The following THTPA variants were observed in gnomAD, a reference collection of about 807,000 sequenced individuals.
THTPA encodes thiamine-triphosphatase.
A neutral mutation model predicts 16.5 loss-of-function variants in THTPA; 16 were observed. The ratio of observed to expected loss-of-function variants is 0.97; its 90% confidence interval spans 0.66 to 1.47. The LOEUF is 1.47. Ranked by LOEUF, THTPA falls within the 40% of genes most tolerant of loss-of-function variation. THTPA has a pLI of 0.00. For synonymous variants in THTPA, 110 were observed against 115.5 expected, an observed-to-expected ratio of 0.95 and a Z score of 0.30; for missense variants, 281 against 280.9, an observed-to-expected ratio of 1.00 and a Z score of 0.00.
chr14:23,559,906 GGTCTT>G lies in THTPA; in HGVS notation c.*1073_*1077del, dbSNP rs763246225. 9.9e-6 allele frequency: 16 copies of G among 1,611,602 alleles called. No individual in the cohort carries two copies. Among genetic ancestry groups the G allele is most frequent in the Non-Finnish European group, 1.4e-5 (16 of 1,178,116 alleles). ...GCACCCACGGCTTCTTCTATCCCTG[GGTCTT>G]GTCTTGGGGGAACTCCTGAAGCTCA... is the stretch of plus-strand genomic sequence containing the variant. On this transcript the variant is annotated 3_prime_UTR_variant, in exon 2 of 2. Coordinates refer to ENST00000288014, the MANE Select transcript of THTPA (RefSeq NM_024328.6).
chr14:23,516,293 G>A, the THTPA span, among the ~76,000 whole-genome samples: 1 of 152,168 alleles, frequency 6.6e-6, no homozygotes, highest in African/African-American at 2.4e-5. Context: ...ATCCAATCAG[G>A]GTTTCCCTTG....
At chr14:23,526,923 T>C in the THTPA span, 2 of 1,534,264 alleles carry the variant, frequency 1.3e-6, no homozygotes, top group African/African-American at 2.7e-5. Flanking sequence ...GAGGGCTTAA[T>C]GTGGGTGCAG....
chr14:23,538,679 C>G, the THTPA span, among the ~76,000 whole-genome samples: 1 of 152,054 alleles, frequency 6.6e-6, no homozygotes, highest in South Asian at 2.1e-4. Context: ...AGAGACAAGG[C>G]GACCCCTGAA....
the THTPA span, chr14:23,538,153 G>A: frequency 2.0e-5 from 3 of 152,218 alleles, no homozygotes; most frequent in African/African-American, 7.2e-5. Flanking sequence ...GAAACCAAAG[G>A]AGCTTAGCTT....
At chr14:23,520,376 C>G in the THTPA span, among the ~76,000 whole-genome samples, 1 of 140,076 alleles carries the variant, frequency 7.1e-6, no homozygotes, top group East Asian at 2.0e-4. This position sits in a 1 kb window ranked among gnomAD's most constrained non-coding sequence, Gnocchi z 8.7. Flanking sequence ...AACAAGGGAC[C>G]CAGCAAAGGT....
At chr14:23,542,703 C>G in the THTPA span, among the ~76,000 whole-genome samples, 1 of 151,932 alleles carries the variant, frequency 6.6e-6, no homozygotes, top group East Asian at 1.9e-4. Flanking sequence ...CATGGGGGAC[C>G]GCTGAAGAAT....
upstream of THTPA, chr14:23,555,628 A>T (rs1427687357): frequency 6.6e-6 from 1 of 152,092 alleles, no homozygotes; most frequent in East Asian, 1.9e-4. Context: ...ATCCCCTCTA[A>T]AACTCCAGAG....
chr14:23,552,661 G>A (rs945240945), upstream of THTPA, among the ~76,000 whole-genome samples: 4 of 151,968 alleles, frequency 2.6e-5, no homozygotes, highest in African/African-American at 9.7e-5. Context: ...CAGTGCAGTG[G>A]CATGATCCCG....
chr14:23,547,966 C>G, the THTPA span, among the ~76,000 whole-genome samples: 2 of 152,286 alleles, frequency 1.3e-5, no homozygotes, highest in African/African-American at 2.4e-5. Context: ...CCATTTCCCC[C>G]CTTTCTGTAC....
the THTPA span, among the ~76,000 whole-genome samples, chr14:23,516,609 G>A: frequency 2.6e-5 from 4 of 152,190 alleles, no homozygotes; most frequent in African/African-American, 9.7e-5. Flanking sequence ...TAGGAACATT[G>A]TCAAGAGATT....
the THTPA span, chr14:23,534,292 G>A: frequency 6.5e-7 from 1 of 1,533,780 alleles, no homozygotes. This position sits in a 1 kb window ranked among gnomAD's most constrained non-coding sequence, Gnocchi z 4.5. Flanking sequence ...TGGAGAGGGT[G>A]GGCTGAGGGC....
chr14:23,557,792 G>A (rs1882624537), intron 1 of THTPA, among the ~76,000 whole-genome samples: 4 of 151,830 alleles, frequency 2.6e-5, no homozygotes, highest in Admixed American at 1.3e-4. Context: ...TCCTCCACAA[G>A]GAGTAAAAAG....
the THTPA span, among the ~76,000 whole-genome samples, chr14:23,541,390 C>T: frequency 2.0e-5 from 3 of 151,302 alleles, no homozygotes; most frequent in Non-Finnish European, 2.9e-5. Context: ...TGGGTTCAAG[C>T]GATTCTCCTG....
At chr14:23,521,941 T>C in the THTPA span, 1 of 1,535,738 alleles carries the variant, frequency 6.5e-7, no homozygotes, top group Non-Finnish European at 8.7e-7. Context: ...CCCTCCCCTC[T>C]CCCCATCTTG....
At chr14:23,523,114 C>A in the THTPA span, 1 of 1,400,934 alleles carries the variant, frequency 7.1e-7, no homozygotes, top group Non-Finnish European at 9.2e-7. This position sits in a 1 kb window ranked among gnomAD's most constrained non-coding sequence, Gnocchi z 4.1. Flanking sequence ...GGAGATTGGG[C>A]ATGGGAAGAA....
the THTPA span, among the ~76,000 whole-genome samples, chr14:23,518,375 C>T: frequency 5.3e-5 from 8 of 152,152 alleles, no homozygotes; most frequent in African/African-American, 1.7e-4. This position sits in a 1 kb window ranked among gnomAD's most constrained non-coding sequence, Gnocchi z 4.5. Flanking sequence ...AAAAGGCTTG[C>T]TTGGTTCTTA....
At chr14:23,528,729 C>T in the THTPA span, 2 of 985,308 alleles carry the variant, frequency 2.0e-6, no homozygotes, top group Non-Finnish European at 2.4e-6. Flanking sequence ...TGTGAATAAA[C>T]ACCACAGCTC....
chr14:23,546,548 A>T, the THTPA span, among the ~76,000 whole-genome samples: 1 of 151,924 alleles, frequency 6.6e-6, no homozygotes, highest in Non-Finnish European at 1.5e-5. This position sits in a 1 kb window ranked among gnomAD's most constrained non-coding sequence, Gnocchi z 4.7. Context: ...AGCCACTGAG[A>T]GCCCATGGGA....
chr14:23,549,864 T>C, the THTPA span, among the ~76,000 whole-genome samples: 1 of 152,130 alleles, frequency 6.6e-6, no homozygotes, highest in Non-Finnish European at 1.5e-5. Context: ...TTTCTGCTGC[T>C]GGGGTTAAAA....
Sources: gnomAD v4.1 joint callset for allele counts (sites outside exome capture counted in the v4.1 genomes callset) on GRCh38, gnomAD v4.1.1 for gene constraint, Gnocchi (gnomAD v3.1) non-coding constraint, MANE v1.5 for transcripts, NCBI Gene and HGNC (gene_info 2026-07-23, HGNC 2026-07-21) for gene names.